LPAR1: variants seen among roughly 807,000 people sequenced by gnomAD.
LPAR1 encodes LPA receptor 1.
LPAR1 carries 5 observed loss-of-function variants against 23.8 expected under a neutral mutation model. That is an observed-to-expected ratio of 0.21 (90% confidence interval 0.11 to 0.44). The LOEUF (loss-of-function observed/expected upper bound fraction) is 0.44. LPAR1 is among the 20% of genes least tolerant of loss of function. LPAR1 has a pLI of 0.99. For synonymous variants in LPAR1, 160 were observed against 164.7 expected (o/e 0.97, Z 0.22); for missense variants, 311 against 482.8 (o/e 0.64, Z 3.33).
At chr9:110,914,126 CT>C (rs2092785536) in intron 5 of LPAR1, among the ~76,000 whole-genome samples, 1 of 152,176 alleles carries the variant, frequency 6.6e-6, no homozygotes, top group Non-Finnish European at 1.5e-5. Flanking sequence ...TTACAAACTC[CT>C]TTGCCTGATT....
At chr9:110,931,456 T>G (rs183614383) in intron 5 of LPAR1, among the ~76,000 whole-genome samples, 50 of 152,338 alleles carry the variant, frequency 3.3e-4, no homozygotes, top group Non-Finnish European at 8.8e-5. Context: ...GCTGACAAAA[T>G]AAACTATTAT....
chr9:110,920,755 A>G (rs2093570092), intron 5 of LPAR1, among the ~76,000 whole-genome samples: 1 of 152,172 alleles, frequency 6.6e-6, no homozygotes, highest in Admixed American at 6.5e-5. Context: ...GTAAAACACT[A>G]TCTGCACTAT....
chr9:110,956,460 G>T (rs11534221), intron 4 of LPAR1, among the ~76,000 whole-genome samples: 21 of 151,212 alleles, frequency 1.4e-4, no homozygotes, highest in Admixed American at 6.6e-4. Flanking sequence ...GAAAGATTAG[G>T]GCAAAACTAA....
At chr9:110,896,213 G>C (rs776447171) in intron 5 of LPAR1, among the ~76,000 whole-genome samples, 1 of 152,116 alleles carries the variant, frequency 6.6e-6, no homozygotes, top group Non-Finnish European at 1.5e-5. Flanking sequence ...ACTATGCTGC[G>C]TACTTTCTAG....
intron 4 of LPAR1, among the ~76,000 whole-genome samples, chr9:110,947,866 G>A (rs181882841): frequency 5.9e-5 from 9 of 152,328 alleles, no homozygotes; most frequent in Non-Finnish European, 1.2e-4. Flanking sequence ...GTACTCTACT[G>A]AGATACTCTA....
intron 2 of LPAR1, among the ~76,000 whole-genome samples, chr9:110,995,149 G>A (rs1306783466): frequency 1.3e-5 from 2 of 152,168 alleles, no homozygotes; most frequent in East Asian, 3.9e-4. Context: ...GGTACATTAT[G>A]AAATTTCTTC....
At chr9:110,925,960 ACC>A (rs776854579) in intron 5 of LPAR1, among the ~76,000 whole-genome samples, 4 of 152,158 alleles carry the variant, frequency 2.6e-5, no homozygotes, top group Non-Finnish European at 4.4e-5. Flanking sequence ...TCGCTCTGTC[ACC>A]CAGGCTGGAG....
rs1039116480 is a variant in LPAR1, at chr9:110,875,849, T to C, written c.794-127A>G. 2.0e-5 allele frequency: 10 copies of C among 489,248 alleles called. No homozygotes were observed. In the East Asian group the frequency reaches 3.3e-4, roughly 16 times the overall value. The allele number at this position is 489,248 out of a possible 1,614,324, so 30.3% of individuals were successfully genotyped here. On this transcript the variant is annotated intron_variant, in intron 5 of 5. Coordinates refer to ENST00000683809, the MANE Select transcript of LPAR1 (RefSeq NM_001351411.2). ...AAAATACTGAAGTTGGAAGCCACCA[T>C]TGTCGCAAATGAAATACTCATTTCC...
At chr9:110,922,915 G>A (rs1033061326) in intron 5 of LPAR1, among the ~76,000 whole-genome samples, 4 of 151,134 alleles carry the variant, frequency 2.6e-5, no homozygotes, top group Non-Finnish European at 5.9e-5. Flanking sequence ...AGGTATACAC[G>A]TGCCATGGTG....
At chr9:110,979,859 G>C (rs1474380694) in intron 2 of LPAR1, among the ~76,000 whole-genome samples, 1 of 151,778 alleles carries the variant, frequency 6.6e-6, no homozygotes, top group Non-Finnish European at 1.5e-5. Flanking sequence ...AATTGTGAAG[G>C]GAAATCCTTG....
intron 5 of LPAR1, among the ~76,000 whole-genome samples, chr9:110,917,796 C>T (rs1420455948): frequency 6.6e-6 from 1 of 152,184 alleles, no homozygotes; most frequent in Non-Finnish European, 1.5e-5. Context: ...TATGTCTTTA[C>T]CTGACTCCAT....
At chr9:111,025,257 T>C (rs963600127) in intron 2 of LPAR1, among the ~76,000 whole-genome samples, 1 of 152,216 alleles carries the variant, frequency 6.6e-6, no homozygotes, top group African/African-American at 2.4e-5. Context: ...TGGTGTGAGA[T>C]GGTAGCTCAT....
At chr9:110,912,974 T>G (rs917794841) in intron 5 of LPAR1, among the ~76,000 whole-genome samples, 3 of 152,202 alleles carry the variant, frequency 2.0e-5, no homozygotes, top group Admixed American at 1.3e-4. Context: ...CGAACAAGGT[T>G]GGGAGGTTAA....
At chr9:110,987,012 C>A (rs2096796467) in intron 2 of LPAR1, among the ~76,000 whole-genome samples, 1 of 152,014 alleles carries the variant, frequency 6.6e-6, no homozygotes, top group South Asian at 2.1e-4. Context: ...CTGTTGTAAC[C>A]TTTCTGGAAT....
chr9:110,901,335 T>C (rs538470987), intron 5 of LPAR1, among the ~76,000 whole-genome samples: 27 of 152,264 alleles, frequency 1.8e-4, no homozygotes, highest in Non-Finnish European at 3.1e-4. Context: ...TCCACGTTCC[T>C]AAAGATGTAA....
chr9:110,950,418 T>C (rs1458791283), intron 4 of LPAR1, among the ~76,000 whole-genome samples: 2 of 142,732 alleles, frequency 1.4e-5, no homozygotes, highest in African/African-American at 5.3e-5. Flanking sequence ...TGAGCGGAGA[T>C]AGCATCACTG....
rs114604823 is a variant in LPAR1 at position 111,011,285 on chromosome 9, G to A, written c.-182+24837C>T. Among the ~76,000 whole-genome samples, 430 of 152,266 alleles carry A rather than the reference G, an allele frequency of 2.8e-3. 6 individuals are homozygous for A. Among genetic ancestry groups the A allele is most frequent in the African/African-American group, 9.5e-3 (394 of 41,568 alleles). ...AATTTATAGCATCTCATCATTGGAA[G>A]AAAACTTCTGAGGTCTAGTTCTACA... is the stretch of plus-strand genomic sequence containing the variant. On this transcript the variant is annotated intron_variant, in intron 2 of 5. Transcript: ENST00000683809.
At chr9:110,964,269 A>G (rs1564184459) in intron 4 of LPAR1, among the ~76,000 whole-genome samples, 2 of 150,732 alleles carry the variant, frequency 1.3e-5, no homozygotes, top group African/African-American at 4.9e-5. Context: ...AGAAGAGTAA[A>G]CTGATCTAAT....
rs1271029298 is a variant in LPAR1, at chr9:110,874,650, C to T, written c.*771G>A. On this transcript the variant is annotated 3_prime_UTR_variant, in exon 6 of 6. Coordinates refer to ENST00000683809, the MANE Select transcript of LPAR1 (RefSeq NM_001351411.2). ...TATTATAGTGCTTCATCTTCTATGA[C>T]TTTTTTGGAATACATATCACTTTGG... is the stretch of plus-strand genomic sequence containing the variant. 1 of 152,506 alleles carries T rather than the reference C, an allele frequency of 6.6e-6. No homozygotes were observed. The highest frequency in any genetic ancestry group is 2.4e-5 in the African/African-American group (1 of 41,396). The allele number at this position is 152,506 out of a possible 1,614,324, so 9.4% of individuals were successfully genotyped here.
Sources: allele counts gnomAD v4.1 joint callset (sites outside exome capture counted in the v4.1 genomes callset), GRCh38; gene constraint gnomAD v4.1.1; transcripts MANE v1.5; gene names NCBI Gene and HGNC (gene_info 2026-07-23, HGNC 2026-07-21).